The following HLA-E variants were observed in gnomAD, a reference collection of about 807,000 sequenced individuals.
HLA-E encodes HLA class I histocompatibility antigen, alpha chain E.
Under a neutral mutation model 43.4 loss-of-function variants are expected in HLA-E, and 25 were observed. The observed-to-expected ratio is 0.58, with a 90% CI of 0.42 to 0.80. HLA-E has a LOEUF of 0.80. Among genes scored for constraint, HLA-E ranks in the 30% least tolerant of loss-of-function variants. The pLI is 0.00. For synonymous variants in HLA-E, 161 were observed against 197.6 expected, an observed-to-expected ratio of 0.81 and a Z score of 1.55; for missense variants, 343 against 470.0, an observed-to-expected ratio of 0.73 and a Z score of 2.50.
At position 30,491,091 on chromosome 6, in the gene HLA-E, C is replaced by G; in HGVS notation, c.611-46C>G. On this transcript the variant is annotated intron_variant, in intron 3 of 7. Coordinates refer to ENST00000376630, the MANE Select transcript of HLA-E (RefSeq NM_005516.6). The surrounding 1 kb of genome is among the most constrained non-coding windows in gnomAD (Gnocchi z 5.4). ...GTCACATGGGTGCTGCTGGAGTGTC[C>G]CATGAGAGATACAAAGTGCCTGAAT... is the stretch of plus-strand genomic sequence containing the variant. The G allele has an allele frequency of 6.2e-7, 1 of 1,604,416 alleles. No individual in the cohort carries two copies. The highest frequency in any genetic ancestry group is 8.5e-7 in the Non-Finnish European group (1 of 1,174,100).
chr6:30,491,710 C>G lies in HLA-E; in HGVS notation c.1003+57C>G, dbSNP rs545411746. On this transcript the variant is annotated intron_variant, in intron 5 of 7. Coordinates refer to ENST00000376630, the MANE Select transcript of HLA-E (RefSeq NM_005516.6). The surrounding 1 kb of genome is among the most constrained non-coding windows in gnomAD (Gnocchi z 5.4). The stretch of plus-strand genomic sequence containing the variant: ...TTCTTGTCCCACTGGGTGTTTCAAG[C>G]CCTAGGTAAAAGTGTGTCCTGCCTC... The G allele has an allele frequency of 1.4e-6, 2 of 1,417,040 alleles. No homozygotes were observed. The highest frequency in any genetic ancestry group is 2.8e-5 in the African/African-American group (2 of 70,814). 87.8% of individuals were successfully genotyped at this position (1,417,040 alleles called of 1,614,324 possible). A position where few individuals can be genotyped will look rare whatever the true frequency, so the allele number is the denominator to read the frequency against.
chr6:30,490,547 T>C lies in HLA-E; in HGVS notation c.610+32T>C. The C allele has an allele frequency of 1.1e-5, 18 of 1,598,566 alleles. No homozygotes were observed. The highest frequency in any genetic ancestry group is 1.5e-5 in the Non-Finnish European group (18 of 1,171,792). ...GGGTCCACAGGGCTACTCTCCCATC[T>C]CCTTCTTGGGCTAGGACTGTGCCCA... On this transcript the variant is annotated intron_variant, in intron 3 of 7. Transcript: ENST00000376630. This position sits in a 1 kb window ranked among gnomAD's most constrained non-coding sequence, Gnocchi z 6.6.
chr6:30,490,642 G>T lies in HLA-E; in HGVS notation c.610+127G>T. ...AGAATACCACTCCTCCCTTGGATCA[G>T]GAGAGGGAGCTGTCACCTGAGGTAC... On this transcript the variant is annotated intron_variant, in intron 3 of 7. Coordinates refer to ENST00000376630, the MANE Select transcript of HLA-E (RefSeq NM_005516.6). This position sits in a 1 kb window ranked among gnomAD's most constrained non-coding sequence, Gnocchi z 6.6. The T allele has an allele frequency of 1.1e-6, 1 of 920,518 alleles. No individual in the cohort carries two copies. The highest frequency in any genetic ancestry group is 1.6e-6 in the Non-Finnish European group (1 of 623,106). 57.0% of individuals were successfully genotyped at this position (920,518 alleles called of 1,614,324 possible).
chr6:30,489,867 G>T lies in HLA-E; in HGVS notation c.206G>T (p.Arg69Leu). 2 of 1,613,076 alleles carry T rather than the reference G, an allele frequency of 1.2e-6. No individual in the cohort carries two copies. Among genetic ancestry groups the T allele is most frequent in the Non-Finnish European group, 1.7e-6 (2 of 1,180,012 alleles). The change falls in exon 2 of 8, where the codon CGG becomes CTG. Residue 69 changes from arginine to leucine, a missense_variant. Arg to Leu is a moderately radical substitution (Grantham distance 102). This residue lies in a region of HLA-E where 94 missense variants were observed against 144.4 expected (regional missense o/e 0.65). Transcript: ENST00000376630. The surrounding 1 kb of genome is among the most constrained non-coding windows in gnomAD (Gnocchi z 5.6). ...NDAASPRMVP[R>L]APWMEQEGSE... ...GCCGCGAGTCCGAGGATGGTGCCGC[G>T]GGCGCCGTGGATGGAGCAGGAGGGG...
chr6:30,491,694 C>T lies in HLA-E; in HGVS notation c.1003+41C>T, dbSNP rs1796554002. ...GGGTGGGGTCTGAGTTTTCTTGTCCCACTGGGTGTTTCAAGCCCTAGGTAA... is the reference window on the plus strand; with the variant it reads ...GGGTGGGGTCTGAGTTTTCTTGTCCTACTGGGTGTTTCAAGCCCTAGGTAA... On this transcript the variant is annotated intron_variant, in intron 5 of 7. Coordinates refer to ENST00000376630, the MANE Select transcript of HLA-E (RefSeq NM_005516.6). The surrounding 1 kb of genome is among the most constrained non-coding windows in gnomAD (Gnocchi z 5.4). 1 of 1,516,960 alleles carries T rather than the reference C, an allele frequency of 6.6e-7. No homozygotes were observed. The allele number at this position is 1,516,960 out of a possible 1,614,324, so 94.0% of individuals were successfully genotyped here. A position where few individuals can be genotyped will look rare whatever the true frequency, so the allele number is the denominator to read the frequency against.
chr6:30,493,708 C>G lies in HLA-E; in HGVS notation c.*962C>G, dbSNP rs1466769045. ...GAAGAGGAAAAGAGAACTGAGCTAG[C>G]ATGCCCAGCCCACAGAGAGCCTCCA... On this transcript the variant is annotated 3_prime_UTR_variant, in exon 8 of 8. Transcript: ENST00000376630. The surrounding 1 kb of genome is among the most constrained non-coding windows in gnomAD (Gnocchi z 5.5). 6.6e-6 allele frequency: 1 copy of G among 152,334 alleles called. No individual in the cohort carries two copies. Among genetic ancestry groups the G allele is most frequent in the Non-Finnish European group, 1.5e-5 (1 of 68,160 alleles). The allele number at this position is 152,334 out of a possible 1,614,324, so 9.4% of individuals were successfully genotyped here.
At position 30,489,646 on chromosome 6, in the gene HLA-E, C is replaced by A; in HGVS notation, c.64+51C>A. On this transcript the variant is annotated intron_variant, in intron 1 of 7. Transcript: ENST00000376630. This position sits in a 1 kb window ranked among gnomAD's most constrained non-coding sequence, Gnocchi z 5.6. ...GGCCTCTACCGGGAGTAGAGAGGGG[C>A]CGGCCCGGCGGGGGCGAAGGACTCG... The A allele has an allele frequency of 6.2e-7, 1 of 1,601,570 alleles. No individual in the cohort carries two copies.
Position 30,489,563 on chromosome 6 carries a change from C to T in HLA-E, c.32C>T (p.Ser11Leu). ...GATGGAACCCTCCTTTTACTCCTCT[C>T]GGAGGCCCTGGCCCTTACCCAGACC... MVDGTLLLLLSEALALTQTWA... is the reference protein window; with the variant it reads MVDGTLLLLLLEALALTQTWA... Residue 11 changes from serine (S) to leucine (L), a missense_variant, in exon 1 of 8, where the codon TCG becomes TTG. Ser to Leu is a moderately radical substitution (Grantham distance 145, BLOSUM62 -2). Transcript: ENST00000376630. The surrounding 1 kb of genome is among the most constrained non-coding windows in gnomAD (Gnocchi z 5.6). 2 of 1,535,384 alleles carry T rather than the reference C, an allele frequency of 1.3e-6. No homozygotes were observed. The highest frequency in any genetic ancestry group is 1.3e-5 in the South Asian group (1 of 79,188).
In HLA-E at chr6:30,492,504, T is replaced by C. The variant is rs776185113; in HGVS notation, c.1037-37T>C. 2.8e-5 allele frequency: 45 copies of C among 1,613,788 alleles called. No homozygotes were observed. The highest frequency in any genetic ancestry group is 3.7e-5 in the Non-Finnish European group (44 of 1,179,944). ...AATTCCTCCTGCACCACATCTCCTG[T>C]GGGCTCTGACCAGGTCTTGTTTTTG... is the stretch of plus-strand genomic sequence containing the variant. On this transcript the variant is annotated intron_variant, in intron 6 of 7. Coordinates refer to ENST00000376630, the MANE Select transcript of HLA-E (RefSeq NM_005516.6). This position sits in a 1 kb window ranked among gnomAD's most constrained non-coding sequence, Gnocchi z 4.5.
Position 30,492,365 on chromosome 6 carries a change from C to G in HLA-E, c.1004-39C>G, listed in dbSNP as rs772601529. 1.9e-6 allele frequency: 3 copies of G among 1,612,380 alleles called. No homozygotes were observed. The highest frequency in any genetic ancestry group is 1.7e-6 in the Non-Finnish European group (2 of 1,178,426). On this transcript the variant is annotated intron_variant, in intron 5 of 7. Coordinates refer to ENST00000376630, the MANE Select transcript of HLA-E (RefSeq NM_005516.6). This position sits in a 1 kb window ranked among gnomAD's most constrained non-coding sequence, Gnocchi z 4.5. The stretch of plus-strand genomic sequence containing the variant: ...TTCCTCTAGGACCTTATGGCCCTGC[C>G]TCCTCCCTGGCCCCTCACAGGACAT...
In HLA-E at chr6:30,491,249, TG is replaced by T. The variant is rs746288253; in HGVS notation, c.727del (p.Glu243ArgfsTer51). ...AGATCACACTGACCTGGCAGCAGGA[TG>T]GGGAGGGCCATACCCAGGACACGGA... ...AEITLTWQQD[G>X]EGHTQDTELV... On this transcript the variant is annotated frameshift_variant, in exon 4 of 8. Coordinates refer to ENST00000376630, the MANE Select transcript of HLA-E (RefSeq NM_005516.6). LOFTEE classifies it high-confidence loss of function. This position sits in a 1 kb window ranked among gnomAD's most constrained non-coding sequence, Gnocchi z 5.4. 1.2e-6 allele frequency: 2 copies of T among 1,613,894 alleles called. No individual in the cohort carries two copies. Among genetic ancestry groups the T allele is most frequent in the South Asian group, 1.1e-5 (1 of 91,070 alleles).
rs1261971972 is a variant in HLA-E at position 30,490,810 on chromosome 6, G to A, written c.610+295G>A. ...TTTGACTCCCAGTATTAGGAATCAC[G>A]GGGGAGTTTCTCTCGTGCCTGATTC... On this transcript the variant is annotated intron_variant, in intron 3 of 7. Coordinates refer to ENST00000376630, the MANE Select transcript of HLA-E (RefSeq NM_005516.6). This position sits in a 1 kb window ranked among gnomAD's most constrained non-coding sequence, Gnocchi z 6.6. Among the ~76,000 whole-genome samples, 2 of 152,140 alleles carry A rather than the reference G, an allele frequency of 1.3e-5. No homozygotes were observed. Among genetic ancestry groups the A allele is most frequent in the Non-Finnish European group, 2.9e-5 (2 of 68,018 alleles).
chr6:30,491,006 G>A lies in HLA-E; in HGVS notation c.611-131G>A, dbSNP rs1462677022. ...GGCTATCCCAGATCCCTAAGTCCAG[G>A]CTGGTGTCAAGGTTTTGTCCTCTTC... is the stretch of plus-strand genomic sequence containing the variant. On this transcript the variant is annotated intron_variant, in intron 3 of 7. Transcript: ENST00000376630. This position sits in a 1 kb window ranked among gnomAD's most constrained non-coding sequence, Gnocchi z 5.4. 7.8e-7 allele frequency: 1 copy of A among 1,275,292 alleles called. No homozygotes were observed. The highest frequency in any genetic ancestry group is 1.5e-5 in the African/African-American group (1 of 66,838). 79.0% of individuals were successfully genotyped at this position (1,275,292 alleles called of 1,614,324 possible). A position where few individuals can be genotyped will look rare whatever the true frequency, so the allele number is the denominator to read the frequency against.
chr6:30,490,086 C>T lies in HLA-E; in HGVS notation c.334+91C>T. ...CCCTCGAATCTTCGGGTCCCAGATT[C>T]ACCCCAAGGCTGCGGAACCCGCCCA... On this transcript the variant is annotated intron_variant, in intron 2 of 7. Coordinates refer to ENST00000376630, the MANE Select transcript of HLA-E (RefSeq NM_005516.6). This position sits in a 1 kb window ranked among gnomAD's most constrained non-coding sequence, Gnocchi z 6.6. The T allele has an allele frequency of 6.7e-6, 10 of 1,503,026 alleles. No individual in the cohort carries two copies. Among genetic ancestry groups the T allele is most frequent in the Non-Finnish European group, 8.1e-6 (9 of 1,105,740 alleles). The allele number at this position is 1,503,026 out of a possible 1,614,324, so 93.1% of individuals were successfully genotyped here.
Position 30,490,263 on chromosome 6 carries a change from C to G in HLA-E, c.358C>G (p.His120Asp), listed in dbSNP as rs1262027747. 9 of 1,612,220 alleles carry G rather than the reference C, an allele frequency of 5.6e-6. No homozygotes were observed. The highest frequency in any genetic ancestry group is 7.6e-6 in the Non-Finnish European group (9 of 1,179,704). ...AGGGTCTCACACCCTGCAGTGGATG[C>G]ATGGCTGCGAGCTGGGGCCCGACGG... ...EAGSHTLQWMHGCELGPDGRF... is the reference protein window; with the variant it reads ...EAGSHTLQWMDGCELGPDGRF... Residue 120 changes from histidine (H) to aspartate (D), a missense_variant, in exon 3 of 8, where the codon CAT becomes GAT. Around this residue, in one of 3 missense-constraint regions of HLA-E, gnomAD observed 59 missense variants for 42.0 expected, o/e 1.40. Transcript: ENST00000376630. This position sits in a 1 kb window ranked among gnomAD's most constrained non-coding sequence, Gnocchi z 6.6.
Position 30,490,553 on chromosome 6 carries a change from T to C in HLA-E, c.610+38T>C, listed in dbSNP as rs1796475756. The C allele has an allele frequency of 1.3e-6, 2 of 1,594,206 alleles. No homozygotes were observed. The highest frequency in any genetic ancestry group is 2.2e-5 in the South Asian group (2 of 88,952). On this transcript the variant is annotated intron_variant, in intron 3 of 7. Transcript: ENST00000376630. This position sits in a 1 kb window ranked among gnomAD's most constrained non-coding sequence, Gnocchi z 6.6. ...ACAGGGCTACTCTCCCATCTCCTTC[T>C]TGGGCTAGGACTGTGCCCACAGCTG...
In HLA-E at chr6:30,493,151, G is replaced by A. The variant is rs1796657153; in HGVS notation, c.*405G>A. On this transcript the variant is annotated 3_prime_UTR_variant, in exon 8 of 8. Coordinates refer to ENST00000376630, the MANE Select transcript of HLA-E (RefSeq NM_005516.6). The surrounding 1 kb of genome is among the most constrained non-coding windows in gnomAD (Gnocchi z 5.5). ...TACTAAAAAATACAAAAAATTAGCT[G>A]GGCGCAGAGGCACGGGCCTGTAGTC... The A allele has an allele frequency of 6.5e-6, 1 of 153,798 alleles. No individual in the cohort carries two copies. The highest frequency in any genetic ancestry group is 1.4e-5 in the Non-Finnish European group (1 of 68,986). 9.5% of individuals were successfully genotyped at this position (153,798 alleles called of 1,614,324 possible). A position where few individuals can be genotyped will look rare whatever the true frequency, so the allele number is the denominator to read the frequency against.
At position 30,491,799 on chromosome 6, in the gene HLA-E, C is replaced by G. The variant is rs1796561128; in HGVS notation, c.1003+146C>G. 3 of 667,110 alleles carry G rather than the reference C, an allele frequency of 4.5e-6. No homozygotes were observed. Among genetic ancestry groups the G allele is most frequent in the Non-Finnish European group, 7.7e-6 (3 of 390,614 alleles). 41.3% of individuals were successfully genotyped at this position (667,110 alleles called of 1,614,324 possible). On this transcript the variant is annotated intron_variant, in intron 5 of 7. Coordinates refer to ENST00000376630, the MANE Select transcript of HLA-E (RefSeq NM_005516.6). The surrounding 1 kb of genome is among the most constrained non-coding windows in gnomAD (Gnocchi z 5.4). ...AGCCTGGGGCCCTGTGTGCCAGCAC[C>G]TACTCTTTTTTTTTGAGACGGAGTC...
rs1420622118 is a variant in HLA-E, at chr6:30,490,751, T to G, written c.610+236T>G. ...TTAAGGAATCTAGTCTCGCTGGAGA[T>G]TCCATCCTTCAGATGAACTGATGAG... is the stretch of plus-strand genomic sequence containing the variant. On this transcript the variant is annotated intron_variant, in intron 3 of 7. Coordinates refer to ENST00000376630, the MANE Select transcript of HLA-E (RefSeq NM_005516.6). This position sits in a 1 kb window ranked among gnomAD's most constrained non-coding sequence, Gnocchi z 6.6. Among the ~76,000 whole-genome samples the G allele has an allele frequency of 6.6e-6, 1 of 152,156 alleles. No homozygotes were observed. The highest frequency in any genetic ancestry group is 1.5e-5 in the Non-Finnish European group (1 of 68,034).
Sources: allele counts gnomAD v4.1 joint callset (sites outside exome capture counted in the v4.1 genomes callset), GRCh38; gene constraint gnomAD v4.1.1; regional missense constraint gnomAD v4.1.1; non-coding constraint Gnocchi (gnomAD v3.1); transcripts MANE v1.5; gene names NCBI Gene and HGNC (gene_info 2026-07-23, HGNC 2026-07-21).